The following SORL1 variants were observed in gnomAD, a reference collection of about 807,000 sequenced individuals.
The protein encoded by SORL1 is sortilin related receptor 1, also known as sortilin-related receptor.
SORL1 carries 127 observed loss-of-function variants against 273.7 expected under a neutral mutation model. The ratio of observed to expected loss-of-function variants is 0.46; its 90% CI spans 0.40 to 0.54. The LOEUF (loss-of-function observed/expected upper bound fraction) is 0.54. SORL1 is among the 20% of genes least tolerant of loss of function. The pLI, the probability that SORL1 is intolerant of heterozygous loss-of-function variation, is 0.00. For synonymous variants in SORL1, 1,031 were observed against 1,067.4 expected (o/e 0.97, Z 0.66); for missense variants, 2,494 against 2,846.1 (o/e 0.88, Z 2.81).
intron 6 of SORL1, among the ~76,000 whole-genome samples, chr11:121,507,541 C>A (rs930203886): frequency 6.6e-6 from 1 of 151,982 alleles, no homozygotes; most frequent in East Asian, 1.9e-4. Flanking sequence ...TGGTTCAAAT[C>A]TTCTGTTGAA....
chr11:121,455,894 G>A (rs866951753), intron 1 of SORL1, among the ~76,000 whole-genome samples: 1 of 152,016 alleles, frequency 6.6e-6, no homozygotes, highest in Admixed American at 6.5e-5. Flanking sequence ...TCAAGAGGCT[G>A]AGGCAGGAGA....
chr11:121,477,252 G>C (rs532987848), intron 2 of SORL1, among the ~76,000 whole-genome samples: 5 of 152,090 alleles, frequency 3.3e-5, no homozygotes, highest in Admixed American at 6.6e-5. Flanking sequence ...GTATTGTCAC[G>C]TCACTCAGCA....
intron 3 of SORL1, among the ~76,000 whole-genome samples, chr11:121,482,154 A>C (rs1861400330): frequency 6.6e-6 from 1 of 152,194 alleles, no homozygotes; most frequent in Non-Finnish European, 1.5e-5. Flanking sequence ...GAGGAGGGTT[A>C]GTGCAGGCAG....
intron 42 of SORL1, 142 bp from the exon 43 acceptor site, chr11:121,619,611 G>A (rs937211709): frequency 1.4e-6 from 1 of 718,600 alleles, no homozygotes; most frequent in Non-Finnish European, 2.3e-6. Flanking sequence ...TTTGGGGTAG[G>A]TGGGAAATTA....
chr11:121,553,987 G>A lies in SORL1; in HGVS notation c.2317G>A (p.Asp773Asn). The change falls in exon 17 of 48, where the codon GAC becomes AAC. Residue 773 changes from aspartate to asparagine, a missense_variant. Around this residue, in one of 3 missense-constraint regions of SORL1, gnomAD observed 710 missense variants for 882.5 expected, o/e 0.80. Transcript: ENST00000260197. ...YAVRKSIYRY[D>N]LASGATEQLP... ...TGTGAGGAAATCCATCTACCGCTAT[G>A]ACCTGGCCTCGGGAGCCACCGAGCA... The A allele has an allele frequency of 1.2e-6, 2 of 1,614,212 alleles. No individual in the cohort carries two copies. Among genetic ancestry groups the A allele is most frequent in the South Asian group, 1.1e-5 (1 of 91,074 alleles).
intron 12 of SORL1, among the ~76,000 whole-genome samples, chr11:121,540,404 C>T (rs544842466): frequency 2.6e-5 from 4 of 151,760 alleles, no homozygotes; most frequent in Admixed American, 2.0e-4. Context: ...GGGCCAGACG[C>T]GGTGGCTCAC....
At chr11:121,507,496 G>T (rs537093052) in intron 6 of SORL1, among the ~76,000 whole-genome samples, 1 of 151,944 alleles carries the variant, frequency 6.6e-6, no homozygotes, top group Non-Finnish European at 1.5e-5. Flanking sequence ...CATCACAATT[G>T]ACATGTCTTA....
At chr11:121,621,007 AAG>A (rs1863715390) in intron 43 of SORL1, 55 bp from the exon 44 acceptor site, 1 of 1,317,672 alleles carries the variant, frequency 7.6e-7, no homozygotes, top group African/African-American at 1.5e-5. Flanking sequence ...TTGAACTACA[AAG>A]AGTGAAAAAT....
rs1863351842 is a variant in SORL1, at chr11:121,599,379, T to C, written c.4519+3607T>C. Among the ~76,000 whole-genome samples, 4 of 152,278 alleles carry C rather than the reference T, an allele frequency of 2.6e-5. No individual in the cohort carries two copies. In the South Asian group the frequency reaches 8.3e-4, roughly 32 times the overall value. On this transcript the variant is annotated intron_variant, in intron 32 of 47. Coordinates refer to ENST00000260197, the MANE Select transcript of SORL1 (RefSeq NM_003105.6). ...GACCAATATGGAGAAACCCCATCTCTACTAAAAATGTAAAATTAGCTGGGC... is the reference window on the plus strand; with the variant it reads ...GACCAATATGGAGAAACCCCATCTCCACTAAAAATGTAAAATTAGCTGGGC...
chr11:121,543,763 A>G, intron 13 of SORL1, 37 bp downstream of exon 13: 2 of 1,580,848 alleles, frequency 1.3e-6, no homozygotes, highest in Non-Finnish European at 1.7e-6. Flanking sequence ...TCACATGGAT[A>G]TGCGTGGACT....
chr11:121,598,126 C>T (rs537076583), intron 32 of SORL1, among the ~76,000 whole-genome samples: 2 of 152,210 alleles, frequency 1.3e-5, no homozygotes, highest in African/African-American at 4.8e-5. Flanking sequence ...CTAAGGAGCC[C>T]TTGAAGATTT....
intron 6 of SORL1, among the ~76,000 whole-genome samples, chr11:121,509,446 T>G (rs2134839553): frequency 6.6e-6 from 1 of 152,316 alleles, no homozygotes; most frequent in Admixed American, 6.5e-5. Flanking sequence ...AAATTCAGGT[T>G]ATTCAGATAC....
chr11:121,507,396 G>A (rs775839389), intron 6 of SORL1, among the ~76,000 whole-genome samples: 7 of 152,028 alleles, frequency 4.6e-5, no homozygotes, highest in Non-Finnish European at 1.0e-4. Flanking sequence ...AGTGACTTTG[G>A]TAATGTGTAT....
chr11:121,468,871 C>G (rs995522467), intron 1 of SORL1, among the ~76,000 whole-genome samples: 1 of 152,244 alleles, frequency 6.6e-6, no homozygotes, highest in Non-Finnish European at 1.5e-5. Flanking sequence ...GTTTTCCATA[C>G]AGTGAAACAA....
Position 121,498,605 on chromosome 11 carries a change from G to A in SORL1, c.939+1556G>A, listed in dbSNP as rs1861664686. Among the ~76,000 whole-genome samples the A allele has an allele frequency of 2.6e-5, 4 of 152,300 alleles. No homozygotes were observed. The South Asian group carries it at 6.2e-4, about 24-fold the overall frequency. ...TTATATCCCAGCTGGGCCGGGCATGGTGGCTCATGCCTGTAATCCCAGCAC... is the reference window on the plus strand; with the variant it reads ...TTATATCCCAGCTGGGCCGGGCATGATGGCTCATGCCTGTAATCCCAGCAC... On this transcript the variant is annotated intron_variant, in intron 6 of 47. Coordinates refer to ENST00000260197, the MANE Select transcript of SORL1 (RefSeq NM_003105.6).
chr11:121,580,459 G>A (rs1444942057), intron 25 of SORL1, among the ~76,000 whole-genome samples: 1 of 151,750 alleles, frequency 6.6e-6, no homozygotes, highest in East Asian at 1.9e-4. Flanking sequence ...ATGAGTATAC[G>A]TTTTGTATCT....
At chr11:121,614,790 T>TA (rs1728889837) in intron 40 of SORL1, 81 bp from the exon 41 acceptor site, 9 of 1,114,662 alleles carry the variant, frequency 8.1e-6, no homozygotes, top group Admixed American at 4.1e-5. Context: ...TATTTTTTTT[T>TA]AAAAAAGTGC....
rs754417315 is a variant in SORL1, at chr11:121,615,025, G to A, written c.5574G>A (p.Val1858=). The change falls in exon 41 of 48, where the codon GTG becomes GTA. Residue 1858 remains valine, a synonymous_variant. Coordinates refer to ENST00000260197, the MANE Select transcript of SORL1 (RefSeq NM_003105.6). ...CCAAAGCCATCAACCAGACTGCAGTGGAATGTACCTGGACCGGCCCCCGGA... is the reference window on the plus strand; with the variant it reads ...CCAAAGCCATCAACCAGACTGCAGTAGAATGTACCTGGACCGGCCCCCGGA... ...LKAKAINQTA[V]ECTWTGPRNV... is the part of the protein sequence containing the mutation. The A allele has an allele frequency of 7.4e-6, 12 of 1,610,856 alleles. No homozygotes were observed. The South Asian group carries it at 1.3e-4, about 18-fold the overall frequency.
At chr11:121,552,428 A>G (rs995038674) in intron 16 of SORL1, among the ~76,000 whole-genome samples, 1 of 152,188 alleles carries the variant, frequency 6.6e-6, no homozygotes, top group African/African-American at 2.4e-5. Context: ...TTCAGGTTCT[A>G]CTTTATGGGT....
Sources: allele counts gnomAD v4.1 joint callset (sites outside exome capture counted in the v4.1 genomes callset), GRCh38; gene constraint gnomAD v4.1.1; regional missense constraint gnomAD v4.1.1; transcripts MANE v1.5; gene names NCBI Gene and HGNC (gene_info 2026-07-23, HGNC 2026-07-21).